The following LARGE1 variants were observed in gnomAD, a reference collection of about 807,000 sequenced individuals.
LARGE1 encodes LARGE xylosyl- and glucuronyltransferase 1, also known as xylosyl- and glucuronyltransferase LARGE1.
In LARGE1, 43 loss-of-function variants were observed where a neutral mutation model predicts 87.6. That is an observed-to-expected ratio of 0.49 (90% CI 0.38 to 0.63). LARGE1 has a LOEUF of 0.63. LARGE1 is among the 30% of genes least tolerant of loss of function. LARGE1 has a pLI of 0.00. For missense variants in LARGE1, 802 were observed against 1,000.2 expected (o/e 0.80, Z 2.67); for synonymous variants, 434 against 394.6 (o/e 1.10, Z -1.18).
chr22:33,810,913 G>C (rs957071022), intron 1 of LARGE1, among the ~76,000 whole-genome samples: 1 of 152,050 alleles, frequency 6.6e-6, no homozygotes, highest in Non-Finnish European at 1.5e-5. Context: ...TAGTACAGAC[G>C]GGGTTTCACC....
intron 1 of LARGE1, among the ~76,000 whole-genome samples, chr22:33,792,600 T>A (rs1364271704): frequency 2.0e-5 from 3 of 151,974 alleles, no homozygotes; most frequent in Non-Finnish European, 2.9e-5. Flanking sequence ...TATTGGGGAA[T>A]CAGAAAATAA....
At chr22:33,113,778 G>A in the LARGE1 span, among the ~76,000 whole-genome samples, 34 of 152,064 alleles carry the variant, frequency 2.2e-4, no homozygotes, top group Admixed American at 7.2e-4. Context: ...CCACACTCTC[G>A]TTCAAAATCT....
the LARGE1 span, among the ~76,000 whole-genome samples, chr22:33,154,606 T>A: frequency 6.6e-6 from 1 of 152,168 alleles, no homozygotes; most frequent in Non-Finnish European, 1.5e-5. Context: ...TTCTCTGAGA[T>A]CCATTATCTT....
At chr22:33,511,584 T>C (rs528153456) in intron 6 of LARGE1, among the ~76,000 whole-genome samples, 2 of 152,282 alleles carry the variant, frequency 1.3e-5, no homozygotes, top group South Asian at 4.1e-4. Flanking sequence ...GCAGCTGTGA[T>C]GTTTGCAGAC....
chr22:33,704,170 A>G (rs1228501845), intron 2 of LARGE1, among the ~76,000 whole-genome samples: 1 of 152,246 alleles, frequency 6.6e-6, no homozygotes, highest in Admixed American at 6.5e-5. Flanking sequence ...TACTGTATAA[A>G]ACAAAGTAAT....
intron 1 of LARGE1, among the ~76,000 whole-genome samples, chr22:33,812,187 C>T (rs1038633872): frequency 2.6e-5 from 4 of 152,186 alleles, no homozygotes; most frequent in African/African-American, 9.7e-5. Flanking sequence ...CACTTAATAG[C>T]TAAGGTTCCA....
chr22:33,612,323 T>A (rs1281007357), intron 4 of LARGE1, among the ~76,000 whole-genome samples: 1 of 152,184 alleles, frequency 6.6e-6, no homozygotes, highest in Non-Finnish European at 1.5e-5. Context: ...AGGCTGGTCT[T>A]GAACTCTTGA....
At chr22:33,080,122 T>C in the LARGE1 span, among the ~76,000 whole-genome samples, 1 of 152,234 alleles carries the variant, frequency 6.6e-6, no homozygotes, top group Admixed American at 6.5e-5. Flanking sequence ...TGTTTTATAA[T>C]TATAGCCCCA....
chr22:33,095,573 T>A, the LARGE1 span, among the ~76,000 whole-genome samples: 3 of 152,172 alleles, frequency 2.0e-5, no homozygotes, highest in African/African-American at 7.2e-5. Flanking sequence ...AGAACATAAT[T>A]CAACCCACAG....
intron 1 of LARGE1, among the ~76,000 whole-genome samples, chr22:33,862,276 G>T (rs1381672864): frequency 6.6e-6 from 1 of 152,210 alleles, no homozygotes; most frequent in East Asian, 1.9e-4. Flanking sequence ...GGCTGCCAAA[G>T]ATCCTGTAAG....
At chr22:33,624,699 A>G (rs1320741334) in intron 4 of LARGE1, among the ~76,000 whole-genome samples, 1 of 152,150 alleles carries the variant, frequency 6.6e-6, no homozygotes, top group Non-Finnish European at 1.5e-5. Context: ...AAAGGGTTTG[A>G]TTTCCACCCC....
intron 6 of LARGE1, among the ~76,000 whole-genome samples, chr22:33,494,575 T>G (rs763139828): frequency 1.1e-4 from 16 of 152,212 alleles, no homozygotes; most frequent in Non-Finnish European, 1.9e-4. Context: ...CTCACAAATC[T>G]GTATATTTTA....
intron 11 of LARGE1, among the ~76,000 whole-genome samples, chr22:33,253,906 T>TG (rs1555885389): frequency 1.6e-5 from 1 of 64,004 alleles, no homozygotes; most frequent in East Asian, 6.7e-4. Context: ...CTTTCCTTCT[T>TG]GGTTTTTTTT....
chr22:33,103,972 G>T, the LARGE1 span, among the ~76,000 whole-genome samples: 1 of 152,204 alleles, frequency 6.6e-6, no homozygotes, highest in East Asian at 1.9e-4. Flanking sequence ...CTTCTGCCGT[G>T]ATTGTGAGGC....
At chr22:33,691,403 C>T (rs952147827) in intron 2 of LARGE1, among the ~76,000 whole-genome samples, 3 of 152,038 alleles carry the variant, frequency 2.0e-5, no homozygotes, top group Admixed American at 6.5e-5. Flanking sequence ...GCCATGCACA[C>T]GACATTGATC....
rs1304180254 is a variant in LARGE1, at chr22:33,920,040, G to C, written c.-128C>G. On this transcript the variant is annotated 5_prime_UTR_variant, in exon 1 of 15. Transcript: ENST00000397394. Reference sequence around the variant, plus strand: ...GGCAGAGGGAGACACGGAAGAACAGGGTGGCGCGGCGGCGCCGCCGCCTAC... The same window carrying C: ...GGCAGAGGGAGACACGGAAGAACAGCGTGGCGCGGCGGCGCCGCCGCCTAC... 2 of 152,410 alleles carry C rather than the reference G, an allele frequency of 1.3e-5. No homozygotes were observed. The highest frequency in any genetic ancestry group is 2.4e-5 in the African/African-American group (1 of 41,466). The allele number at this position is 152,410 out of a possible 1,614,324, so 9.4% of individuals were successfully genotyped here. A position where few individuals can be genotyped will look rare whatever the true frequency, so the allele number is the denominator to read the frequency against.
intron 5 of LARGE1, among the ~76,000 whole-genome samples, chr22:33,581,892 G>T (rs2078531892): frequency 6.6e-6 from 1 of 151,972 alleles, no homozygotes; most frequent in Non-Finnish European, 1.5e-5. Flanking sequence ...ATCACCATGG[G>T]GTCACCAAGT....
At chr22:33,346,265 C>T (rs1041458622) in intron 9 of LARGE1, among the ~76,000 whole-genome samples, 3 of 150,612 alleles carry the variant, frequency 2.0e-5, no homozygotes, top group African/African-American at 7.3e-5. Flanking sequence ...TCTTCTCTCT[C>T]TCTCTCTTTC....
At chr22:33,143,451 A>G in the LARGE1 span, among the ~76,000 whole-genome samples, 5 of 152,216 alleles carry the variant, frequency 3.3e-5, no homozygotes, top group African/African-American at 9.6e-5. Flanking sequence ...AGGTAAGAAG[A>G]TGGTCACCAA....
Sources: gnomAD v4.1 joint callset for allele counts (sites outside exome capture counted in the v4.1 genomes callset) on GRCh38, gnomAD v4.1.1 for gene constraint, MANE v1.5 for transcripts, NCBI Gene and HGNC (gene_info 2026-07-23, HGNC 2026-07-21) for gene names.